DDX50: variants seen among roughly 807,000 people sequenced by gnomAD.
DDX50 encodes ATP-dependent RNA helicase DDX50.
Under a neutral mutation model 94.8 loss-of-function variants are expected in DDX50, and 56 were observed. The ratio of observed to expected loss-of-function variants is 0.59; its 90% confidence interval spans 0.48 to 0.74. The LOEUF is 0.74. Ranked by LOEUF, DDX50 falls within the 30% of genes least tolerant of loss-of-function variation. The pLI, the probability that DDX50 is intolerant of heterozygous loss-of-function variation, is 0.00. For missense variants in DDX50, 713 were observed against 881.2 expected (o/e 0.81, Z 2.42); for synonymous variants, 264 against 295.4 (o/e 0.89, Z 1.09).
chr10:68,908,520 A>T (rs1345081107), intron 2 of DDX50, among the ~76,000 whole-genome samples: 1 of 151,630 alleles, frequency 6.6e-6, no homozygotes, highest in Non-Finnish European at 1.5e-5. Context: ...CTATTTAAAA[A>T]ATTTTATGTG....
chr10:68,909,566 A>G (rs570314920), intron 2 of DDX50, among the ~76,000 whole-genome samples: 19 of 152,290 alleles, frequency 1.2e-4, no homozygotes, highest in African/African-American at 4.6e-4. Context: ...CTACATCTGT[A>G]TGATTTAGAT....
At position 68,934,965 on chromosome 10, in the gene DDX50, TA is replaced by T; in HGVS notation, c.1521+51del. On this transcript the variant is annotated intron_variant, in intron 10 of 14. Transcript: ENST00000373585. This position sits in a 1 kb window ranked among gnomAD's most constrained non-coding sequence, Gnocchi z 4.0. ...CAGGCTTATTGTCTAAATGGTGCCTTAAAAGAGAGCTCTTCTTATATTTATT... is the reference window on the plus strand; with the variant it reads ...CAGGCTTATTGTCTAAATGGTGCCTTAAAGAGAGCTCTTCTTATATTTATT... The T allele has an allele frequency of 6.3e-7, 1 of 1,575,048 alleles. No individual in the cohort carries two copies. Among genetic ancestry groups the T allele is most frequent in the Non-Finnish European group, 8.6e-7 (1 of 1,162,142 alleles).
intron 7 of DDX50, among the ~76,000 whole-genome samples, chr10:68,916,819 G>A (rs1564605813): frequency 6.6e-6 from 1 of 151,970 alleles, no homozygotes; most frequent in Non-Finnish European, 1.5e-5. Flanking sequence ...TGAGTAGCTG[G>A]GATTACAGGC....
At chr10:68,911,624 C>G (rs149671146) in intron 4 of DDX50, 1 of 155,342 alleles carries the variant, frequency 6.4e-6, no homozygotes, top group Admixed American at 6.5e-5. Context: ...TGTTCAGCAT[C>G]ATTTATTTCA....
intron 7 of DDX50, 145 bp from the exon 8 acceptor site, chr10:68,919,687 T>A: frequency 1.1e-6 from 1 of 891,108 alleles, no homozygotes; most frequent in Non-Finnish European, 1.7e-6. Flanking sequence ...TTTGTCTATA[T>A]TGTTTTTAAG....
In DDX50 at chr10:68,919,965, A is replaced by C; in HGVS notation, c.1223A>C (p.Asn408Thr). 6.2e-7 allele frequency: 1 copy of C among 1,614,188 alleles called. No individual in the cohort carries two copies. Residue 408 changes from asparagine (N) to threonine (T), a missense_variant, in exon 8 of 15, where the codon AAT (asparagine) becomes ACT (threonine). By Grantham distance (65) the Asn-to-Thr change is moderately conservative. Around this residue, in one of 2 missense-constraint regions of DDX50, gnomAD observed 428 missense variants for 602.3 expected, o/e 0.71. Transcript: ENST00000373585. ...AAGAATGTAACTGAAATGGCCATGA[A>C]TCCACACATAAAACAGGTAAGTCTT... ...TKKNVTEMAM[N>T]PHIKQNAQCL...
At chr10:68,924,198 C>G (rs1473210502) in intron 8 of DDX50, among the ~76,000 whole-genome samples, 1 of 151,912 alleles carries the variant, frequency 6.6e-6, no homozygotes, top group Non-Finnish European at 1.5e-5. Context: ...TCTAGAACTC[C>G]TGACCTCAAA....
intron 7 of DDX50, among the ~76,000 whole-genome samples, chr10:68,918,659 T>G (rs1841867321): frequency 6.6e-6 from 1 of 151,852 alleles, no homozygotes; most frequent in Non-Finnish European, 1.5e-5. Flanking sequence ...ACTCCTGACC[T>G]CAGGTGATCC....
intron 8 of DDX50, among the ~76,000 whole-genome samples, chr10:68,923,869 C>T (rs1299285582): frequency 6.8e-6 from 1 of 147,634 alleles, no homozygotes; most frequent in Non-Finnish European, 1.5e-5. Context: ...AGTTCATTCA[C>T]AATGGTATGC....
chr10:68,918,047 C>T (rs949464611), intron 7 of DDX50, among the ~76,000 whole-genome samples: 2 of 152,076 alleles, frequency 1.3e-5, no homozygotes, highest in Non-Finnish European at 2.9e-5. Flanking sequence ...GCCTCAGCCT[C>T]CTGAGTAGCT....
intron 8 of DDX50, among the ~76,000 whole-genome samples, chr10:68,922,211 G>T (rs1214693024): frequency 6.6e-6 from 1 of 151,786 alleles, no homozygotes; most frequent in African/African-American, 2.4e-5. Flanking sequence ...TAAGAGACAG[G>T]ATCTTGCTGT....
chr10:68,901,405 G>T lies in DDX50; in HGVS notation c.21G>T (p.Trp7Cys), dbSNP rs753786385. 2 of 1,567,608 alleles carry T rather than the reference G, an allele frequency of 1.3e-6. No homozygotes were observed. The highest frequency in any genetic ancestry group is 1.7e-6 in the Non-Finnish European group (2 of 1,156,936). The part of the protein sequence containing the change: MPGKLL[W>C]GDIMELEAPL... ...CAGTAATGCCTGGGAAACTCCTCTG[G>T]GGGGACATTATGGAGCTGGAAGCAC... is the stretch of plus-strand genomic sequence containing the variant. The change falls in exon 1 of 15, where the codon TGG becomes TGT. Residue 7 changes from tryptophan to cysteine, a missense_variant. This residue lies in a region of DDX50 where 285 missense variants were observed against 278.9 expected (regional missense o/e 1.02). Transcript: ENST00000373585.
At position 68,914,079 on chromosome 10, in the gene DDX50, A is replaced by G; in HGVS notation, c.964A>G (p.Thr322Ala). 1 of 1,600,620 alleles carries G rather than the reference A, an allele frequency of 6.2e-7. No homozygotes were observed. The highest frequency in any genetic ancestry group is 8.5e-7 in the Non-Finnish European group (1 of 1,176,576). ...YKTDSEDNPQ[T>A]LLFSATCPQW... ...TTAAGATTCTGAAGACAATCCTCAG[A>G]CTTTACTTTTTTCTGCAACTTGCCC... The change falls in exon 7 of 15, where the codon ACT becomes GCT. Residue 322 changes from threonine to alanine, a missense_variant. Thr to Ala is a moderately conservative substitution (Grantham distance 58). This residue lies in a region of DDX50 where 428 missense variants were observed against 602.3 expected (regional missense o/e 0.71). Coordinates refer to ENST00000373585, the MANE Select transcript of DDX50 (RefSeq NM_024045.2).
At chr10:68,902,073 A>G (rs1841301472) in intron 1 of DDX50, among the ~76,000 whole-genome samples, 1 of 151,450 alleles carries the variant, frequency 6.6e-6, no homozygotes, top group African/African-American at 2.4e-5. Flanking sequence ...CCTAATTTGT[A>G]CCATACTCTT....
At chr10:68,925,095 G>GTTTTTTTTTTTTTTTTTT (rs1239190321) in intron 8 of DDX50, among the ~76,000 whole-genome samples, 2 of 28,558 alleles carry the variant, frequency 7.0e-5, no homozygotes, top group African/African-American at 2.3e-4. Context: ...CCTGCTCATG[G>GTTTTTTTTTTTTTTTTTT]TTTTTTTTTT....
rs201387609 is a variant in DDX50 at position 68,911,058 on chromosome 10, C to A, written c.461-10C>A. On this transcript the variant is annotated splice_polypyrimidine_tract_variant and intron_variant, in intron 3 of 14. Coordinates refer to ENST00000373585, the MANE Select transcript of DDX50 (RefSeq NM_024045.2). Reference sequence around the variant, plus strand: ...GTAAAGAAGTATTTTAATTAAATCTCATTTTACAGGTCGAGGGGTAACATA... The same window carrying A: ...GTAAAGAAGTATTTTAATTAAATCTAATTTTACAGGTCGAGGGGTAACATA... 4.8e-6 allele frequency: 7 copies of A among 1,472,706 alleles called. No homozygotes were observed. Among genetic ancestry groups the A allele is most frequent in the South Asian group, 4.6e-5 (3 of 65,066 alleles). 91.2% of individuals were successfully genotyped at this position (1,472,706 alleles called of 1,614,324 possible). A position where few individuals can be genotyped will look rare whatever the true frequency, so the allele number is the denominator to read the frequency against.
chr10:68,921,515 G>A (rs997840725), intron 8 of DDX50, among the ~76,000 whole-genome samples: 68 of 152,038 alleles, frequency 4.5e-4, no homozygotes, highest in African/African-American at 1.5e-3. Context: ...TTTGTTTAGG[G>A]CAGAACTACT....
At chr10:68,913,133 T>C (rs1841680788) in intron 4 of DDX50, 29 bp from the exon 5 acceptor site, 1 of 1,549,080 alleles carries the variant, frequency 6.5e-7, no homozygotes, top group African/African-American at 1.4e-5. Context: ...TAGAAAAGTA[T>C]CTTTTTGTTT....
At chr10:68,931,398 T>TAG (rs1842261275) in intron 8 of DDX50, among the ~76,000 whole-genome samples, 1 of 57,456 alleles carries the variant, frequency 1.7e-5, no homozygotes, top group African/African-American at 6.3e-5. Flanking sequence ...AAAAAATATA[T>TAG]ATATATATAT....
Sources: gnomAD v4.1 joint callset for allele counts (sites outside exome capture counted in the v4.1 genomes callset) on GRCh38, gnomAD v4.1.1 for gene constraint, gnomAD v4.1.1 regional missense constraint, Gnocchi (gnomAD v3.1) non-coding constraint, MANE v1.5 for transcripts, NCBI Gene and HGNC (gene_info 2026-07-23, HGNC 2026-07-21) for gene names.